WWOX: variants seen among roughly 807,000 people sequenced by gnomAD.
WWOX encodes WW domain containing oxidoreductase.
Under a neutral mutation model 46.2 loss-of-function variants are expected in WWOX, and 69 were observed. The observed-to-expected ratio is 1.49, with a 90% CI of 1.23 to 1.82. The LOEUF (loss-of-function observed/expected upper bound fraction) is 1.82. Among genes scored for constraint, WWOX ranks in the 40% most tolerant of loss-of-function variants. The pLI is 0.00. For missense variants in WWOX, 919 were observed against 542.6 expected, an observed-to-expected ratio of 1.69 and a Z score of -6.89; for synonymous variants, 359 against 202.6, an observed-to-expected ratio of 1.77 and a Z score of -6.56.
chr16:79,186,147 C>T (rs988159302), intron 8 of WWOX, among the ~76,000 whole-genome samples: 1 of 152,104 alleles, frequency 6.6e-6, no homozygotes, highest in African/African-American at 2.4e-5. Flanking sequence ...AGGATACATC[C>T]AGGACTGTGC....
intron 8 of WWOX, among the ~76,000 whole-genome samples, chr16:78,658,021 T>C (rs2047120689): frequency 6.6e-6 from 1 of 152,120 alleles, no homozygotes; most frequent in African/African-American, 2.4e-5. Context: ...CTTGGCACTA[T>C]TGACATTTTA....
chr16:78,178,160 A>G (rs1597314200), intron 5 of WWOX, among the ~76,000 whole-genome samples: 2 of 152,200 alleles, frequency 1.3e-5, no homozygotes, highest in East Asian at 1.9e-4. Flanking sequence ...AGCAGGCAAG[A>G]CAGCCACATG....
chr16:78,879,144 G>T (rs1037055352), intron 8 of WWOX, among the ~76,000 whole-genome samples: 1 of 152,076 alleles, frequency 6.6e-6, no homozygotes, highest in Non-Finnish European at 1.5e-5. Flanking sequence ...GCAGAAAAAC[G>T]CAGATAAGAA....
chr16:78,430,297 G>T (rs1361390056), intron 7 of WWOX, among the ~76,000 whole-genome samples: 1 of 152,116 alleles, frequency 6.6e-6, no homozygotes, highest in Non-Finnish European at 1.5e-5. Flanking sequence ...ACACATGGGG[G>T]TTATTACAAT....
In WWOX at chr16:79,150,130, G is replaced by C. The variant is rs552110372; in HGVS notation, c.1057-61478G>C. ...ACTGGCAATGGCTCTGGTTCACCAA[G>C]CTTAGCTCTGCTCAGTCTACCTTTA... On this transcript the variant is annotated intron_variant, in intron 8 of 8. Coordinates refer to ENST00000566780, the MANE Select transcript of WWOX (RefSeq NM_016373.4). Among the ~76,000 whole-genome samples, 72 of 152,328 alleles carry C rather than the reference G, an allele frequency of 4.7e-4. 1 individual carries two copies. The highest frequency in any genetic ancestry group is 3.4e-3 in the Middle Eastern group (1 of 294).
intron 8 of WWOX, among the ~76,000 whole-genome samples, chr16:78,849,444 G>A (rs1280560240): frequency 1.3e-5 from 2 of 151,692 alleles, no homozygotes; most frequent in Non-Finnish European, 2.9e-5. Flanking sequence ...CCTGGTGGCG[G>A]GCGCCTGTAG....
intron 8 of WWOX, among the ~76,000 whole-genome samples, chr16:78,855,157 G>A (rs1180839163): frequency 1.3e-5 from 2 of 152,122 alleles, no homozygotes; most frequent in Non-Finnish European, 2.9e-5. Flanking sequence ...AATTTGAAAG[G>A]TGGGTGAGGA....
intron 5 of WWOX, among the ~76,000 whole-genome samples, chr16:78,202,568 G>A (rs547005569): frequency 1.3e-5 from 2 of 152,246 alleles, no homozygotes; most frequent in East Asian, 1.9e-4. Flanking sequence ...TCTGTTTGGG[G>A]AACATTTTTG....
At chr16:78,606,655 A>G (rs947577773) in intron 8 of WWOX, among the ~76,000 whole-genome samples, 1 of 151,884 alleles carries the variant, frequency 6.6e-6, no homozygotes, top group African/African-American at 2.4e-5. Flanking sequence ...ATGTGAACAC[A>G]TCCAGACAAA....
chr16:78,805,948 A>G (rs529407531), intron 8 of WWOX, among the ~76,000 whole-genome samples: 59 of 152,304 alleles, frequency 3.9e-4, no homozygotes, highest in African/African-American at 1.4e-3. Flanking sequence ...ATAACACCCA[A>G]TGCCACCCTA....
chr16:78,432,511 T>G lies in WWOX; in HGVS notation c.815T>G (p.Leu272Trp). ...SHRFTDINDS[L>W]GKLDFSRLSP... ...AGATTTACAGATATTAACGACTCCTTGGGAAAACTGGACTTCAGTCGCCTC... is the reference window on the plus strand; with the variant it reads ...AGATTTACAGATATTAACGACTCCTGGGGAAAACTGGACTTCAGTCGCCTC... Residue 272 changes from leucine (L) to tryptophan (W), a missense_variant, in exon 8 of 9, where the codon TTG (leucine) becomes TGG (tryptophan). Physicochemically the swap from Leu to Trp is moderately conservative, Grantham distance 61. Coordinates refer to ENST00000566780, the MANE Select transcript of WWOX (RefSeq NM_016373.4). 6.2e-7 allele frequency: 1 copy of G among 1,614,144 alleles called. No homozygotes were observed. Among genetic ancestry groups the G allele is most frequent in the Middle Eastern group, 1.6e-4 (1 of 6,062 alleles).
At chr16:79,003,630 G>A (rs1334242377) in intron 8 of WWOX, among the ~76,000 whole-genome samples, 1 of 152,170 alleles carries the variant, frequency 6.6e-6, no homozygotes, top group Non-Finnish European at 1.5e-5. Context: ...TTTGTCACAT[G>A]TCCAGGGCTT....
Position 79,211,745 on chromosome 16 carries a change from G to C in WWOX, c.1194G>C (p.Trp398Cys), listed in dbSNP as rs1233969979. The change falls in exon 9 of 9, where the codon TGG becomes TGC. Residue 398 changes from tryptophan to cysteine, a missense_variant. By Grantham distance (215) the Trp-to-Cys change is radical. Transcript: ENST00000566780. ...AQSEETARTL[W>C]ALSERLIQER... ...GCGAAGAGACGGCCCGGACCCTGTGGGCGCTCAGCGAGAGGCTGATCCAAG... is the reference window on the plus strand; with the variant it reads ...GCGAAGAGACGGCCCGGACCCTGTGCGCGCTCAGCGAGAGGCTGATCCAAG... 1 of 1,614,200 alleles carries C rather than the reference G, an allele frequency of 6.2e-7. No homozygotes were observed. The highest frequency in any genetic ancestry group is 1.1e-5 in the South Asian group (1 of 91,086).
chr16:78,723,793 G>A (rs1427591633), intron 8 of WWOX, among the ~76,000 whole-genome samples: 1 of 151,888 alleles, frequency 6.6e-6, no homozygotes, highest in East Asian at 1.9e-4. Context: ...CTTGCTTCTT[G>A]TTCTCGTATC....
chr16:79,066,806 A>G (rs375666761), intron 8 of WWOX, among the ~76,000 whole-genome samples: 1 of 152,226 alleles, frequency 6.6e-6, no homozygotes, highest in Non-Finnish European at 1.5e-5. Flanking sequence ...ACGAGGTACC[A>G]TACAAATGTG....
chr16:78,213,143 C>T (rs772774395), intron 5 of WWOX, among the ~76,000 whole-genome samples: 2 of 149,904 alleles, frequency 1.3e-5, no homozygotes, highest in African/African-American at 2.5e-5. Context: ...CCCAGCTACT[C>T]GGGAGACTGA....
intron 8 of WWOX, among the ~76,000 whole-genome samples, chr16:78,676,211 T>A (rs994156127): frequency 1.3e-5 from 2 of 151,590 alleles, no homozygotes; most frequent in African/African-American, 4.8e-5. Flanking sequence ...GATATAAAGC[T>A]ACCATCAAGC....
At chr16:78,476,447 G>A (rs2084350245) in intron 8 of WWOX, among the ~76,000 whole-genome samples, 2 of 152,074 alleles carry the variant, frequency 1.3e-5, no homozygotes, top group African/African-American at 4.8e-5. Context: ...CACACACCGG[G>A]GCCTGTTGTG....
chr16:78,858,573 C>G (rs939862205), intron 8 of WWOX, among the ~76,000 whole-genome samples: 1 of 152,030 alleles, frequency 6.6e-6, no homozygotes, highest in African/African-American at 2.4e-5. Context: ...TGGTAGATAA[C>G]TTCTATCACC....
Sources: gnomAD v4.1 joint callset for allele counts (sites outside exome capture counted in the v4.1 genomes callset) on GRCh38, gnomAD v4.1.1 for gene constraint, MANE v1.5 for transcripts, NCBI Gene and HGNC (gene_info 2026-07-23, HGNC 2026-07-21) for gene names.